Variants in TEAD1 observed in about 807,000 individuals in gnomAD.
TEAD1 encodes the protein transcriptional enhancer factor TEF-1.
In TEAD1, 9 loss-of-function variants were observed where a neutral mutation model predicts 54.9. That is an observed-to-expected ratio of 0.16 (90% CI 0.10 to 0.29). The LOEUF (loss-of-function observed/expected upper bound fraction) is 0.29. Among genes scored for constraint, TEAD1 ranks in the 10% least tolerant of loss-of-function variants. The pLI is 1.00. For missense variants in TEAD1, 387 were observed against 535.9 expected, an observed-to-expected ratio of 0.72 and a Z score of 2.74; for synonymous variants, 200 against 187.8, an observed-to-expected ratio of 1.07 and a Z score of -0.53.
Position 12,940,983 on chromosome 11 carries a change from AGAGGG to A in TEAD1, c.*3766_*3770del. ...TTTTGTCGATGAGAAAGTTGAGGCC[AGAGGG>A]GAGGTGACATGTTTAGAGTCACCCA... On this transcript the variant is annotated 3_prime_UTR_variant, in exon 13 of 13. Transcript: ENST00000527636. 1 of 152,354 alleles carries A rather than the reference AGAGGG, an allele frequency of 6.6e-6. No individual in the cohort carries two copies. Among genetic ancestry groups the A allele is most frequent in the Middle Eastern group, 3.4e-3 (1 of 294 alleles). 9.4% of individuals were successfully genotyped at this position (152,354 alleles called of 1,614,324 possible).
chr11:12,851,644 C>T (rs781654656), intron 3 of TEAD1, among the ~76,000 whole-genome samples: 17 of 151,912 alleles, frequency 1.1e-4, no homozygotes, highest in Non-Finnish European at 1.9e-4. Flanking sequence ...ACTAAAAATA[C>T]AAAAAGTTAG....
intron 2 of TEAD1, among the ~76,000 whole-genome samples, chr11:12,681,642 A>G (rs1249460143): frequency 6.6e-6 from 1 of 152,216 alleles, no homozygotes; most frequent in Non-Finnish European, 1.5e-5. Flanking sequence ...GCTCAGTGGA[A>G]GTCTGATGGT....
rs149902092 is a variant in TEAD1 at position 12,676,218 on chromosome 11, A to T, written c.-55+657A>T. Among the ~76,000 whole-genome samples, 266 of 152,374 alleles carry T rather than the reference A, an allele frequency of 1.7e-3. 1 individual carries two copies. Among genetic ancestry groups the T allele is most frequent in the Non-Finnish European group, 1.7e-3 (119 of 68,032 alleles). ...GAGCAGAACCTTATCAGTTCACAAC[A>T]ACCACAGATTTCTTTCTCCCCGCTT... On this transcript the variant is annotated intron_variant, in intron 2 of 12. Transcript: ENST00000527636.
chr11:12,719,949 G>GTTT (rs1200965763), intron 2 of TEAD1, among the ~76,000 whole-genome samples: 5 of 40,000 alleles, frequency 1.3e-4, no homozygotes, highest in Non-Finnish European at 2.6e-4. Context: ...GAAATCTAAT[G>GTTT]TTTTTTTTTT....
chr11:12,903,186 G>A (rs1220023565), intron 10 of TEAD1, among the ~76,000 whole-genome samples: 1 of 152,148 alleles, frequency 6.6e-6, no homozygotes, highest in Admixed American at 6.5e-5. Context: ...TAGGAAAAAA[G>A]GCTCGTAGAT....
At chr11:12,830,978 A>T (rs574471924) in intron 3 of TEAD1, among the ~76,000 whole-genome samples, 27 of 152,068 alleles carry the variant, frequency 1.8e-4, no homozygotes, top group Non-Finnish European at 3.8e-4. Flanking sequence ...CATCTGCCGC[A>T]GGACCTCAGT....
chr11:12,935,201 T>G (rs1202355232), intron 12 of TEAD1, among the ~76,000 whole-genome samples: 1 of 152,114 alleles, frequency 6.6e-6, no homozygotes, highest in Non-Finnish European at 1.5e-5. Context: ...TTGACCTAGT[T>G]CAGGCGGAAG....
At chr11:12,863,431 A>G (rs1166690997) in intron 4 of TEAD1, among the ~76,000 whole-genome samples, 1 of 152,228 alleles carries the variant, frequency 6.6e-6, no homozygotes, top group Non-Finnish European at 1.5e-5. Flanking sequence ...AGCAGGAGCC[A>G]GATGGAGGGC....
intron 10 of TEAD1, among the ~76,000 whole-genome samples, chr11:12,905,845 C>T (rs4469874): frequency 0.38 from 57,802 of 151,984 alleles, 11,445 homozygotes; most frequent in East Asian, 0.65. Context: ...ATATCTGCTA[C>T]GTCCAACCTG....
At position 12,698,429 on chromosome 11, in the gene TEAD1, T is replaced by C. The variant is rs146976024; in HGVS notation, c.-55+22868T>C. Among the ~76,000 whole-genome samples, 489 of 152,156 alleles carry C rather than the reference T, an allele frequency of 3.2e-3. 2 individuals carry two copies. The highest frequency in any genetic ancestry group is 0.011 in the African/African-American group (462 of 41,516). ...AACTACCAGAGCAGATGGGTCTCTC[T>C]GCAGTATTCAGAGCACAGGCAGAGC... is the stretch of plus-strand genomic sequence containing the variant. On this transcript the variant is annotated intron_variant, in intron 2 of 12. Transcript: ENST00000527636.
intron 9 of TEAD1, among the ~76,000 whole-genome samples, chr11:12,884,520 T>G (rs1302800534): frequency 3.3e-5 from 5 of 152,156 alleles, no homozygotes; most frequent in Non-Finnish European, 7.3e-5. Flanking sequence ...CGGGAGTGTT[T>G]GCACTTCAGC....
chr11:12,921,799 C>A lies in TEAD1; in HGVS notation c.874-3113C>A, dbSNP rs79810660. On this transcript the variant is annotated intron_variant, in intron 10 of 12. Coordinates refer to ENST00000527636, the MANE Select transcript of TEAD1 (RefSeq NM_021961.6). ...CTGGAGACTGGAGCTCAGTTAGACC[C>A]AGGGGCCTCTTCAGCCTTGGGAGTT... Among the ~76,000 whole-genome samples the A allele has an allele frequency of 2.7e-4, 41 of 152,200 alleles. 1 individual carries two copies. In the East Asian group the frequency reaches 7.5e-3, roughly 28 times the overall value.
intron 3 of TEAD1, among the ~76,000 whole-genome samples, chr11:12,828,957 A>T (rs1434302981): frequency 6.6e-6 from 1 of 152,064 alleles, no homozygotes. Flanking sequence ...AATGTTTATG[A>T]AGCATAGATT....
chr11:12,800,356 G>A (rs1191682582), intron 3 of TEAD1, among the ~76,000 whole-genome samples: 3 of 152,214 alleles, frequency 2.0e-5, no homozygotes, highest in African/African-American at 4.8e-5. Flanking sequence ...TTAGTTCAGT[G>A]TAGCAAGCTT....
chr11:12,895,382 A>G (rs1008863386), intron 9 of TEAD1, among the ~76,000 whole-genome samples: 9 of 152,248 alleles, frequency 5.9e-5, no homozygotes, highest in Non-Finnish European at 1.0e-4. Flanking sequence ...GGCATCAGGT[A>G]CTGCGTGGCA....
intron 9 of TEAD1, among the ~76,000 whole-genome samples, chr11:12,893,921 G>A (rs1948252997): frequency 6.6e-6 from 1 of 152,162 alleles, no homozygotes; most frequent in East Asian, 1.9e-4. Context: ...AAGCTCCTGG[G>A]CTGAATGTGC....
intron 5 of TEAD1, among the ~76,000 whole-genome samples, chr11:12,873,979 TA>T (rs1947805923): frequency 6.6e-6 from 1 of 152,262 alleles, no homozygotes; most frequent in Admixed American, 6.5e-5. Context: ...AACCATTTAA[TA>T]ACTATCAAGA....
intron 3 of TEAD1, among the ~76,000 whole-genome samples, chr11:12,788,139 CTTTTT>C (rs541990107): frequency 7.7e-6 from 1 of 129,288 alleles, no homozygotes. Context: ...CTAATTTTGT[CTTTTT>C]TTTTTTTTTT....
intron 3 of TEAD1, among the ~76,000 whole-genome samples, chr11:12,811,913 A>T (rs914743606): frequency 1.3e-5 from 2 of 152,042 alleles, no homozygotes; most frequent in Non-Finnish European, 2.9e-5. Context: ...GGTGTTGTAG[A>T]TCGAACTTCT....
Sources: gnomAD v4.1 joint callset for allele counts (sites outside exome capture counted in the v4.1 genomes callset) on GRCh38, gnomAD v4.1.1 for gene constraint, MANE v1.5 for transcripts, NCBI Gene and HGNC (gene_info 2026-07-23, HGNC 2026-07-21) for gene names.